Variants in ACSM2A observed in about 807,000 individuals in gnomAD.
The protein encoded by ACSM2A is acyl-coenzyme A synthetase ACSM2A, mitochondrial.
ACSM2A carries 72 observed loss-of-function variants against 76.6 expected under a neutral mutation model. The ratio of observed to expected loss-of-function variants is 0.94; its 90% CI spans 0.78 to 1.14. The LOEUF (loss-of-function observed/expected upper bound fraction) is 1.14. Among genes scored for constraint, ACSM2A ranks in the 50% most tolerant of loss-of-function variants. ACSM2A has a pLI of 0.00. For missense variants in ACSM2A, 684 were observed against 708.5 expected (o/e 0.97, Z 0.39); for synonymous variants, 249 against 255.9 (o/e 0.97, Z 0.26).
At chr16:20,481,016 T>C (rs1231129101) in intron 12 of ACSM2A, 95 bp downstream of exon 12, 16 of 1,418,720 alleles carry the variant, frequency 1.1e-5, no homozygotes, top group Middle Eastern at 2.2e-4. Flanking sequence ...GGCTGAACAC[T>C]CTGAGACCCA....
At chr16:20,478,943 C>G (rs1487294476) in intron 10 of ACSM2A, among the ~76,000 whole-genome samples, 2 of 152,164 alleles carry the variant, frequency 1.3e-5, no homozygotes, top group Admixed American at 6.5e-5. Flanking sequence ...GTTTCATGCC[C>G]AAAATATTAT....
At chr16:20,455,154 A>G (rs2012064394) in intron 1 of ACSM2A, among the ~76,000 whole-genome samples, 1 of 151,176 alleles carries the variant, frequency 6.6e-6, no homozygotes, top group African/African-American at 2.4e-5. Flanking sequence ...ATTGTGTTAA[A>G]TGATCAAATC....
At chr16:20,458,695 T>C (rs1326900421) in intron 1 of ACSM2A, among the ~76,000 whole-genome samples, 1 of 139,600 alleles carries the variant, frequency 7.2e-6, no homozygotes, top group African/African-American at 2.6e-5. Context: ...TATATCTGTC[T>C]ATATATATAT....
intron 13 of ACSM2A, among the ~76,000 whole-genome samples, chr16:20,484,086 T>C (rs1162869054): frequency 1.3e-5 from 2 of 149,504 alleles, no homozygotes; most frequent in East Asian, 3.9e-4. Flanking sequence ...TGACTCTCAC[T>C]GGACCAACTT....
intron 8 of ACSM2A, chr16:20,476,133 T>A (rs1336433314): frequency 9.2e-7 from 1 of 1,084,890 alleles, no homozygotes; most frequent in Non-Finnish European, 1.1e-6. Flanking sequence ...GGGGAAACAT[T>A]TTAGCAGAGA....
chr16:20,461,921 AG>A, intron 2 of ACSM2A, among the ~76,000 whole-genome samples: 1 of 152,272 alleles, frequency 6.6e-6, no homozygotes, highest in South Asian at 2.1e-4. Context: ...TTTGGAGGGC[AG>A]GGGGCTAAGG....
chr16:20,486,759 T>C lies in ACSM2A; in HGVS notation c.*81T>C. 1 of 1,463,848 alleles carries C rather than the reference T, an allele frequency of 6.8e-7. No homozygotes were observed. 90.7% of individuals were successfully genotyped at this position (1,463,848 alleles called of 1,614,324 possible). On this transcript the variant is annotated 3_prime_UTR_variant, in exon 14 of 14. Coordinates refer to ENST00000573854, the MANE Select transcript of ACSM2A (RefSeq NM_001308172.2). ...TGGGCCCTTGGCCTTCCTATGATTATATGAGATTCTTTATGGAAGAACATG... is the reference window on the plus strand; with the variant it reads ...TGGGCCCTTGGCCTTCCTATGATTACATGAGATTCTTTATGGAAGAACATG...
At chr16:20,453,058 C>A (rs1463704049) in intron 1 of ACSM2A, among the ~76,000 whole-genome samples, 2 of 151,978 alleles carry the variant, frequency 1.3e-5, no homozygotes, top group Non-Finnish European at 2.9e-5. Flanking sequence ...AGCCTCAAAT[C>A]TGCCAAGATT....
At chr16:20,476,074 G>A (rs1596668771) in intron 8 of ACSM2A, 2 of 1,061,034 alleles carry the variant, frequency 1.9e-6, no homozygotes, top group Non-Finnish European at 2.4e-6. Context: ...ATGACATGGG[G>A]TGAGAAGTTG....
At chr16:20,459,654 G>A (rs906752274) in intron 1 of ACSM2A, among the ~76,000 whole-genome samples, 3 of 152,124 alleles carry the variant, frequency 2.0e-5, no homozygotes, top group Non-Finnish European at 2.9e-5. Context: ...ACATCTCGTT[G>A]ACCAAAGCAT....
intron 3 of ACSM2A, 124 bp from the exon 4 acceptor site, chr16:20,469,388 C>G: frequency 6.7e-7 from 1 of 1,502,270 alleles, no homozygotes; most frequent in African/African-American, 1.4e-5. Flanking sequence ...TTGACACTCT[C>G]TATTGGTCAT....
chr16:20,483,078 C>A lies in ACSM2A; in HGVS notation c.1530C>A (p.Val510=), dbSNP rs1133606. The part of the protein sequence containing the change: ...VRGEVVKAFV[V]LASQFLSHDP... ...TGCAGGTGGTGAAGGCATTTGTGGT[C>A]CTGGCCTCGCAGTTCCTGTCCCATG... Residue 510 remains valine (V), a synonymous_variant, in exon 13 of 14, where the codon GTC becomes GTA. Transcript: ENST00000573854. The A allele has an allele frequency of 3.1e-6, 5 of 1,613,836 alleles. No individual in the cohort carries two copies. Among genetic ancestry groups the A allele is most frequent in the African/African-American group, 1.3e-5 (1 of 74,894 alleles).
At chr16:20,454,682 C>A (rs1036827809) in intron 1 of ACSM2A, among the ~76,000 whole-genome samples, 2 of 151,882 alleles carry the variant, frequency 1.3e-5, no homozygotes, top group African/African-American at 4.8e-5. Flanking sequence ...CCAGATCTTC[C>A]CTCTAACATA....
At chr16:20,485,472 T>C (rs2014332780) in intron 13 of ACSM2A, among the ~76,000 whole-genome samples, 1 of 152,250 alleles carries the variant, frequency 6.6e-6, no homozygotes. Context: ...TCATCCACTC[T>C]CTATCTACCC....
At chr16:20,469,380 G>T in intron 3 of ACSM2A, 132 bp from the exon 4 acceptor site, 1 of 1,465,120 alleles carries the variant, frequency 6.8e-7, no homozygotes, top group Non-Finnish European at 9.0e-7. Flanking sequence ...CTTTTTTATT[G>T]ACACTCTCTA....
At chr16:20,473,847 C>A (rs765586383) in intron 6 of ACSM2A, 10 of 292,034 alleles carry the variant, frequency 3.4e-5, no homozygotes, top group Non-Finnish European at 6.0e-5. Flanking sequence ...AGATTACAAC[C>A]TGTTCTGTCT....
chr16:20,466,566 G>A (rs2013009528), intron 3 of ACSM2A, among the ~76,000 whole-genome samples: 2 of 152,344 alleles, frequency 1.3e-5, no homozygotes, highest in South Asian at 4.1e-4. Context: ...TCAGAGACTA[G>A]AGTTTTTCAA....
chr16:20,468,840 G>C (rs2013185168), intron 3 of ACSM2A, among the ~76,000 whole-genome samples: 1 of 152,154 alleles, frequency 6.6e-6, no homozygotes, highest in Non-Finnish European at 1.5e-5. Context: ...TAATAATTCA[G>C]TACTGTAAAT....
chr16:20,458,803 A>T (rs1292203589), intron 1 of ACSM2A, among the ~76,000 whole-genome samples: 1 of 142,288 alleles, frequency 7.0e-6, no homozygotes, highest in African/African-American at 2.5e-5. Flanking sequence ...CATATATATA[A>T]TATATATATT....
Sources: gnomAD v4.1 joint callset for allele counts (sites outside exome capture counted in the v4.1 genomes callset) on GRCh38, gnomAD v4.1.1 for gene constraint, MANE v1.5 for transcripts, NCBI Gene and HGNC (gene_info 2026-07-23, HGNC 2026-07-21) for gene names.